Variants in CHODL observed in about 807,000 individuals in gnomAD.
CHODL encodes chondrolectin.
In CHODL, 29 loss-of-function variants were observed where a neutral mutation model predicts 34.5. The observed-to-expected ratio is 0.84, with a 90% CI of 0.63 to 1.15. CHODL has a LOEUF of 1.15. Among genes scored for constraint, CHODL ranks in the 50% most tolerant of loss-of-function variants. The pLI is 0.00. For missense variants in CHODL, 332 were observed against 332.5 expected (o/e 1.00, Z 0.01); for synonymous variants, 125 against 116.1 (o/e 1.08, Z -0.49).
intron 1 of CHODL, among the ~76,000 whole-genome samples, chr21:18,246,845 G>C (rs1350506478): frequency 2.0e-5 from 3 of 152,106 alleles, no homozygotes; most frequent in African/African-American, 7.2e-5. Context: ...CGTTCTATGA[G>C]TACATAATTT....
intron 2 of CHODL, among the ~76,000 whole-genome samples, chr21:18,054,644 A>G: frequency 6.6e-6 from 1 of 151,990 alleles, no homozygotes; most frequent in East Asian, 1.9e-4. Context: ...AAGGGTATGA[A>G]GTTTCAGTGA....
chr21:18,067,774 A>G (rs1340681911), intron 2 of CHODL, among the ~76,000 whole-genome samples: 1 of 152,108 alleles, frequency 6.6e-6, no homozygotes, highest in African/African-American at 2.4e-5. Context: ...TTCTCTGAGC[A>G]TTACTTACCA....
chr21:18,128,489 A>G (rs114757228), intron 2 of CHODL, among the ~76,000 whole-genome samples: 7,072 of 152,066 alleles, frequency 0.047, 197 homozygotes, highest in Middle Eastern at 0.068. Flanking sequence ...CCATTAAGGA[A>G]ACTTCAATAA....
intron 2 of CHODL, among the ~76,000 whole-genome samples, chr21:18,173,386 C>T (rs1301069563): frequency 6.6e-6 from 1 of 152,132 alleles, no homozygotes; most frequent in African/African-American, 2.4e-5. Flanking sequence ...TGTCTACCTC[C>T]TATAGTAAAT....
intron 2 of CHODL, among the ~76,000 whole-genome samples, chr21:18,194,157 C>T (rs1383008485): frequency 6.6e-6 from 1 of 152,172 alleles, no homozygotes; most frequent in Non-Finnish European, 1.5e-5. Context: ...TTCTGCCTGT[C>T]CAATCTTCTC....
chr21:18,123,835 C>A (rs756621614), intron 2 of CHODL, among the ~76,000 whole-genome samples: 2 of 152,130 alleles, frequency 1.3e-5, no homozygotes, highest in African/African-American at 2.4e-5. Flanking sequence ...ATTATTCAAG[C>A]AAGCCATTTC....
chr21:18,164,007 C>T (rs2073126204), intron 2 of CHODL, among the ~76,000 whole-genome samples: 1 of 152,202 alleles, frequency 6.6e-6, no homozygotes, highest in Non-Finnish European at 1.5e-5. Context: ...TTTCTATTGT[C>T]TATCTTAAAA....
At position 17,939,496 on chromosome 21, in the gene CHODL, A is replaced by G. The variant is rs189348199; in HGVS notation, c.-145+22096A>G. Among the ~76,000 whole-genome samples, 308 of 152,362 alleles carry G rather than the reference A, an allele frequency of 2.0e-3. 1 individual carries two copies. Among genetic ancestry groups the G allele is most frequent in the Non-Finnish European group, 3.4e-3 (234 of 68,034 alleles). ...TTTCATCTGTCAGTGAACATTAAAA[A>G]CAATAAAGTAATTCACAATTAAATA... is the stretch of plus-strand genomic sequence containing the variant. On this transcript the variant is annotated intron_variant, in intron 1 of 6. Transcript: ENST00000400127.
chr21:18,045,342 A>G (rs1221721158), intron 2 of CHODL, among the ~76,000 whole-genome samples: 2 of 152,016 alleles, frequency 1.3e-5, no homozygotes, highest in Non-Finnish European at 2.9e-5. Context: ...TAAGGATCTC[A>G]AAATGAGATA....
At chr21:18,009,346 T>G (rs907427668) in intron 1 of CHODL, among the ~76,000 whole-genome samples, 3 of 152,100 alleles carry the variant, frequency 2.0e-5, no homozygotes, top group Non-Finnish European at 2.9e-5. Context: ...AAACGAAAAA[T>G]AAAACAAAGA....
Position 18,144,712 on chromosome 21 carries a change from TA to T in CHODL, c.-44-111789del, listed in dbSNP as rs545322563. On this transcript the variant is annotated intron_variant, in intron 2 of 6. Coordinates refer to the CHODL transcript ENST00000400127. ...TTTCTTACCTCTTCCCTGGAGGTTA[TA>T]AAAAAAATCACTTTTTTTCCTCCAT... 1.2e-4 allele frequency among the ~76,000 whole-genome samples: 18 copies of T among 151,968 alleles called. 1 individual carries two copies. The highest frequency in any genetic ancestry group is 2.1e-4 in the South Asian group (1 of 4,806).
intron 2 of CHODL, among the ~76,000 whole-genome samples, chr21:18,216,569 A>C (rs896155395): frequency 6.6e-6 from 1 of 152,182 alleles, no homozygotes; most frequent in African/African-American, 2.4e-5. Flanking sequence ...TCATTCACAT[A>C]ATGTCCTCCA....
intron 2 of CHODL, among the ~76,000 whole-genome samples, chr21:18,204,113 CAAAT>C (rs775905316): frequency 6.6e-6 from 1 of 151,920 alleles, no homozygotes; most frequent in African/African-American, 2.4e-5. Context: ...TTAAAAGTAA[CAAAT>C]TAATTAAAGT....
chr21:17,951,577 T>C (rs1433145989), intron 1 of CHODL, among the ~76,000 whole-genome samples: 2 of 152,208 alleles, frequency 1.3e-5, no homozygotes, highest in African/African-American at 4.8e-5. Flanking sequence ...AGGCAGACTT[T>C]AACTTATAGC....
intron 2 of CHODL, among the ~76,000 whole-genome samples, chr21:18,071,318 T>G (rs931598115): frequency 7.9e-5 from 12 of 151,928 alleles, no homozygotes; most frequent in African/African-American, 2.9e-4. Flanking sequence ...GGCTAATTTT[T>G]GTATTTTTAG....
chr21:18,205,295 G>C (rs576854317), intron 2 of CHODL, among the ~76,000 whole-genome samples: 49 of 152,222 alleles, frequency 3.2e-4, no homozygotes, highest in Admixed American at 1.1e-3. Context: ...TATCATGAAG[G>C]GATGTTGAAT....
At chr21:18,005,893 A>G (rs548129459) in intron 1 of CHODL, among the ~76,000 whole-genome samples, 16 of 152,260 alleles carry the variant, frequency 1.1e-4, no homozygotes, top group Admixed American at 4.6e-4. Context: ...TGGTTTGGCT[A>G]TGTCCCCACC....
chr21:18,222,079 A>G (rs1311946412), intron 2 of CHODL, among the ~76,000 whole-genome samples: 1 of 152,210 alleles, frequency 6.6e-6, no homozygotes, highest in Non-Finnish European at 1.5e-5. Context: ...AGTGGGATGC[A>G]TAAGCCTGCA....
intron 1 of CHODL, among the ~76,000 whole-genome samples, chr21:18,252,269 C>T (rs1247804440): frequency 4.6e-5 from 7 of 151,970 alleles, no homozygotes; most frequent in Non-Finnish European, 1.5e-5. Context: ...CTTATCTATC[C>T]CATAAAATGT....
Sources: allele counts gnomAD v4.1 joint callset (sites outside exome capture counted in the v4.1 genomes callset), GRCh38; gene constraint gnomAD v4.1.1; transcripts MANE v1.5; gene names NCBI Gene and HGNC (gene_info 2026-07-23, HGNC 2026-07-21).